The following LRRC53 variants were observed in gnomAD, a reference collection of about 807,000 sequenced individuals.
LRRC53 encodes leucine rich repeat containing 53.
LRRC53 carries 25 observed loss-of-function variants against 13.6 expected under a neutral mutation model. The ratio of observed to expected loss-of-function variants is 1.83; its 90% CI spans 1.34 to 2.56. LRRC53 has a LOEUF of 2.56. Among genes scored for constraint, LRRC53 ranks in the 30% most tolerant of loss-of-function variants. The pLI is 0.00. For synonymous variants in LRRC53, 204 were observed against 109.8 expected, an observed-to-expected ratio of 1.86 and a Z score of -5.37; for missense variants, 527 against 275.8, an observed-to-expected ratio of 1.91 and a Z score of -6.45.
rs2100255713 is a variant in LRRC53 at position 74,480,735 on chromosome 1, T to C, written c.322A>G (p.Ser108Gly). The C allele has an allele frequency of 1.4e-6, 1 of 717,490 alleles. No homozygotes were observed. Among genetic ancestry groups the C allele is most frequent in the African/African-American group, 1.7e-5 (1 of 57,382 alleles). 44.4% of individuals were successfully genotyped at this position (717,490 alleles called of 1,614,324 possible). A position where few individuals can be genotyped will look rare whatever the true frequency, so the allele number is the denominator to read the frequency against. The change falls in exon 3 of 5, where the codon AGC becomes GGC. Residue 108 changes from serine to glycine, a missense_variant. By Grantham distance (56) the Ser-to-Gly change is moderately conservative. Coordinates refer to ENST00000294635, the MANE Select transcript of LRRC53 (RefSeq NM_001382280.1). Reference protein sequence around the residue: ...LTDHTFSKLHSLQVLVLSNNA... With the variant: ...LTDHTFSKLHGLQVLVLSNNA... ...TTGCTCAGCACCAGTACCTGCAGGC[T>C]GTGAAGCTTGCTGAAGGTGTGATCA... is the stretch of plus-strand genomic sequence containing the variant.
chr1:74,475,706 C>T lies in LRRC53; in HGVS notation c.1009G>A (p.Asp337Asn), dbSNP rs760316640. 5 of 702,792 alleles carry T rather than the reference C, an allele frequency of 7.1e-6. No individual in the cohort carries two copies. The highest frequency in any genetic ancestry group is 3.0e-5 in the South Asian group (2 of 65,844). The allele number at this position is 702,792 out of a possible 1,614,324, so 43.5% of individuals were successfully genotyped here. ...TSENLCCRTFDEPLCAHEARN... is the reference protein window; with the variant it reads ...TSENLCCRTFNEPLCAHEARN... ...GCCTCATGAGCACACAGGGGTTCAT[C>T]GAAGGTTCTGCAACAAAGGTTTTCT... is the stretch of plus-strand genomic sequence containing the variant. Residue 337 changes from aspartate (D) to asparagine (N), a missense_variant, in exon 4 of 5, where the codon GAT (aspartate) becomes AAT (asparagine). By Grantham distance (23) the Asp-to-Asn change is conservative. Transcript: ENST00000294635.
intron 3 of LRRC53, among the ~76,000 whole-genome samples, chr1:74,476,160 A>G (rs1040816384): frequency 6.6e-6 from 1 of 152,166 alleles, no homozygotes; most frequent in Admixed American, 6.5e-5. Flanking sequence ...ATGAACTCTC[A>G]TAATAGAGTG....
chr1:74,475,116 CCACACACACACA>C (rs3058791), intron 4 of LRRC53, among the ~76,000 whole-genome samples, 167 bp downstream of exon 4: 59 of 135,994 alleles, frequency 4.3e-4, no homozygotes, highest in East Asian at 2.3e-3. Flanking sequence ...CCACCTCAGC[CCACACACACACA>C]CACACACACA....
At chr1:74,535,548 C>T in the LRRC53 span, among the ~76,000 whole-genome samples, 3 of 152,108 alleles carry the variant, frequency 2.0e-5, no homozygotes, top group Non-Finnish European at 4.4e-5. Context: ...ATCTTGTGAC[C>T]TCCAGGTAGG....
chr1:74,487,682 A>G (rs1668836386), intron 1 of LRRC53, among the ~76,000 whole-genome samples: 1 of 152,196 alleles, frequency 6.6e-6, no homozygotes, highest in Non-Finnish European at 1.5e-5. Context: ...GAGCAAAAAA[A>G]CAAGTAGGGA....
At chr1:74,482,406 G>A (rs1413575388) in intron 2 of LRRC53, among the ~76,000 whole-genome samples, 1 of 152,198 alleles carries the variant, frequency 6.6e-6, no homozygotes, top group African/African-American at 2.4e-5. Flanking sequence ...AAAAATAAAT[G>A]TAGTGAAGTC....
At chr1:74,492,087 C>A (rs202081102) in intron 1 of LRRC53, 4 of 1,520,342 alleles carry the variant, frequency 2.6e-6, no homozygotes, top group Non-Finnish European at 3.6e-6. Context: ...ATTGCCCCTC[C>A]TCCACTCAGC....
chr1:74,512,948 G>T (rs1437391781), upstream of LRRC53, among the ~76,000 whole-genome samples: 1 of 152,158 alleles, frequency 6.6e-6, no homozygotes, highest in African/African-American at 2.4e-5. Flanking sequence ...CGGGTAAATG[G>T]CTCACCGTGG....
chr1:74,530,514 T>TTAAAAA, the LRRC53 span, among the ~76,000 whole-genome samples: 1 of 152,184 alleles, frequency 6.6e-6, no homozygotes, highest in Non-Finnish European at 1.5e-5. Flanking sequence ...CCCACTGTCC[T>TTAAAAA]TAAAAATAAA....
chr1:74,492,162 G>C (rs201971189), intron 1 of LRRC53: 1 of 1,613,050 alleles, frequency 6.2e-7, no homozygotes, highest in Admixed American at 1.7e-5. Flanking sequence ...CTGATTGCCT[G>C]GTGAACCGGG....
chr1:74,471,144 A>G lies in LRRC53; in HGVS notation c.2478T>C (p.Cys826=), dbSNP rs889423795. 1 of 400,596 alleles carries G rather than the reference A, an allele frequency of 2.5e-6. No homozygotes were observed. The highest frequency in any genetic ancestry group is 2.1e-5 in the African/African-American group (1 of 48,678). 24.8% of individuals were successfully genotyped at this position (400,596 alleles called of 1,614,324 possible). Residue 826 remains cysteine, a synonymous_variant, in exon 5 of 5, where the codon TGT becomes TGC. Transcript: ENST00000294635. ...VVNQSSIESS[C]YSAGHIPDGN... is the part of the protein sequence containing the mutation. ...CATCAGGAATGTGGCCAGCTGAGTA[A>G]CAGCTGCTTTCTATAGAGCTCTGGT...
At chr1:74,504,787 T>C (rs1279949440) in intron 1 of LRRC53, among the ~76,000 whole-genome samples, 1 of 152,118 alleles carries the variant, frequency 6.6e-6, no homozygotes, top group East Asian at 1.9e-4. Flanking sequence ...TGCTGTAATT[T>C]CGTGTTCTTT....
the LRRC53 span, among the ~76,000 whole-genome samples, chr1:74,527,977 C>T: frequency 8.6e-5 from 13 of 152,014 alleles, no homozygotes; most frequent in African/African-American, 2.9e-4. Flanking sequence ...TGGGGCTGCC[C>T]GGCCAAGGTG....
the LRRC53 span, among the ~76,000 whole-genome samples, chr1:74,518,228 A>T: frequency 0.022 from 3,360 of 152,250 alleles, 56 homozygotes; most frequent in Admixed American, 0.042. Flanking sequence ...GAGTTGTCAG[A>T]TGTGACAGTC....
chr1:74,529,791 A>G, the LRRC53 span, among the ~76,000 whole-genome samples: 1 of 152,168 alleles, frequency 6.6e-6, no homozygotes, highest in Non-Finnish European at 1.5e-5. Context: ...AAGTTCATAT[A>G]TTCACTTCAG....
At chr1:74,489,329 G>T in intron 1 of LRRC53, 1 of 1,456,630 alleles carries the variant, frequency 6.9e-7, no homozygotes, top group Non-Finnish European at 9.4e-7. Context: ...ATGAGCTGGT[G>T]CTTATGAAAA....
At chr1:74,514,798 C>T (rs1010370771), upstream of LRRC53, among the ~76,000 whole-genome samples, 27 of 152,092 alleles carry the variant, frequency 1.8e-4, no homozygotes, top group African/African-American at 6.5e-4. Context: ...ATTGTATCCC[C>T]CAAAAAGATA....
chr1:74,474,164 T>C (rs1668070944), intron 4 of LRRC53, among the ~76,000 whole-genome samples: 1 of 152,154 alleles, frequency 6.6e-6, no homozygotes, highest in Non-Finnish European at 1.5e-5. Flanking sequence ...CCTTCAGTTA[T>C]AGGAGTTTCC....
At chr1:74,477,617 A>G (rs1233299846) in intron 3 of LRRC53, among the ~76,000 whole-genome samples, 2 of 152,228 alleles carry the variant, frequency 1.3e-5, no homozygotes, top group South Asian at 2.1e-4. Context: ...TAATTTGATT[A>G]TAGGATACAG....
Sources: allele counts gnomAD v4.1 joint callset (sites outside exome capture counted in the v4.1 genomes callset), GRCh38; gene constraint gnomAD v4.1.1; transcripts MANE v1.5; gene names NCBI Gene and HGNC (gene_info 2026-07-23, HGNC 2026-07-21).